CCSER1: variants seen among roughly 807,000 people sequenced by gnomAD.
The protein encoded by CCSER1 is coiled-coil serine rich protein 1.
A neutral mutation model predicts 82.0 loss-of-function variants in CCSER1; 41 were observed. That is an observed-to-expected ratio of 0.50 (90% CI 0.39 to 0.65). CCSER1 has a LOEUF of 0.65. CCSER1 is among the 30% of genes least tolerant of loss of function. CCSER1 has a pLI of 0.00. For synonymous variants in CCSER1, 414 were observed against 383.9 expected (o/e 1.08, Z -0.92); for missense variants, 1,119 against 1,064.2 (o/e 1.05, Z -0.72).
At chr4:90,762,084 C>T (rs1017156485) in intron 7 of CCSER1, among the ~76,000 whole-genome samples, 2 of 152,086 alleles carry the variant, frequency 1.3e-5, no homozygotes, top group African/African-American at 4.8e-5. Context: ...GGCTGTGTCC[C>T]TACCCAAATG....
intron 10 of CCSER1, among the ~76,000 whole-genome samples, chr4:91,491,058 G>A (rs1758515162): frequency 6.7e-6 from 1 of 150,122 alleles, no homozygotes; most frequent in East Asian, 2.0e-4. Context: ...TGAACCCTCT[G>A]AAGCAAATAC....
At chr4:91,019,418 TA>T (rs1442360855) in intron 9 of CCSER1, among the ~76,000 whole-genome samples, 1 of 152,138 alleles carries the variant, frequency 6.6e-6, no homozygotes, top group Non-Finnish European at 1.5e-5. Context: ...AAACACGAAT[TA>T]TTTTAGCTTA....
chr4:91,311,551 T>C (rs192054211), intron 10 of CCSER1, among the ~76,000 whole-genome samples: 112 of 152,054 alleles, frequency 7.4e-4, no homozygotes, highest in African/African-American at 2.7e-3. Context: ...GCAAATGTTA[T>C]TAGAATTCTG....
chr4:91,483,324 A>G (rs1758048269), intron 10 of CCSER1, among the ~76,000 whole-genome samples: 1 of 152,198 alleles, frequency 6.6e-6, no homozygotes, highest in Non-Finnish European at 1.5e-5. Context: ...GTCAGAATGA[A>G]GGGATTATTA....
At chr4:90,666,185 T>G (rs1731751459) in intron 6 of CCSER1, among the ~76,000 whole-genome samples, 1 of 152,160 alleles carries the variant, frequency 6.6e-6, no homozygotes, top group Non-Finnish European at 1.5e-5. Context: ...ACTTTGCTCT[T>G]CAAAGTTTAT....
intron 9 of CCSER1, among the ~76,000 whole-genome samples, chr4:91,045,271 AATAG>A (rs1414005417): frequency 6.6e-6 from 1 of 152,202 alleles, no homozygotes; most frequent in African/African-American, 2.4e-5. Context: ...TAGTTGTTAA[AATAG>A]ATTTATTAAT....
chr4:90,865,847 T>C (rs1765667039), intron 8 of CCSER1, among the ~76,000 whole-genome samples: 1 of 151,924 alleles, frequency 6.6e-6, no homozygotes, highest in Non-Finnish European at 1.5e-5. Flanking sequence ...ACTGGATAAT[T>C]TGTAAAGAAA....
intron 9 of CCSER1, among the ~76,000 whole-genome samples, chr4:90,980,085 T>G (rs1440687900): frequency 6.6e-6 from 1 of 151,886 alleles, no homozygotes; most frequent in Non-Finnish European, 1.5e-5. Flanking sequence ...GATGCTATTT[T>G]GGATAGAATG....
At chr4:90,795,039 C>A (rs528402337) in intron 7 of CCSER1, among the ~76,000 whole-genome samples, 2 of 152,090 alleles carry the variant, frequency 1.3e-5, no homozygotes, top group Admixed American at 1.3e-4. Context: ...CCTGTAATCC[C>A]AGCACTTTGG....
chr4:91,412,520 T>A (rs551280016), intron 10 of CCSER1, among the ~76,000 whole-genome samples: 1 of 152,122 alleles, frequency 6.6e-6, no homozygotes, highest in Non-Finnish European at 1.5e-5. Context: ...CTGGTGCCAG[T>A]GCTACTGACT....
chr4:90,617,387 A>C (rs2148858108), intron 5 of CCSER1, among the ~76,000 whole-genome samples: 1 of 152,284 alleles, frequency 6.6e-6, no homozygotes, highest in African/African-American at 2.4e-5. Flanking sequence ...TTCAATGTTG[A>C]TACCAATCTG....
At chr4:90,545,517 T>C (rs192200923) in intron 5 of CCSER1, among the ~76,000 whole-genome samples, 365 of 152,232 alleles carry the variant, frequency 2.4e-3, no homozygotes, top group Non-Finnish European at 4.4e-3. Context: ...GAAACCCTAA[T>C]AGTTGGAAAG....
chr4:90,894,932 CTAAT>C (rs1463699250), intron 8 of CCSER1, among the ~76,000 whole-genome samples: 9 of 151,874 alleles, frequency 5.9e-5, no homozygotes, highest in Admixed American at 2.0e-4. Flanking sequence ...TTAAAATAGA[CTAAT>C]TAATTTAGAT....
At chr4:91,238,270 C>T (rs1739173891) in intron 10 of CCSER1, among the ~76,000 whole-genome samples, 1 of 152,096 alleles carries the variant, frequency 6.6e-6, no homozygotes, top group African/African-American at 2.4e-5. Flanking sequence ...CATGGAGGAA[C>T]CACATAGTAA....
intron 5 of CCSER1, among the ~76,000 whole-genome samples, chr4:90,584,341 A>G (rs901085873): frequency 6.6e-6 from 1 of 152,206 alleles, no homozygotes; most frequent in Non-Finnish European, 1.5e-5. Context: ...ACCACACGGC[A>G]AAGAATGAAG....
At chr4:90,754,269 A>G (rs1317776860) in intron 7 of CCSER1, among the ~76,000 whole-genome samples, 1 of 152,138 alleles carries the variant, frequency 6.6e-6, no homozygotes. Flanking sequence ...TTTAATAAAT[A>G]TTTTTGCTAA....
chr4:91,332,571 G>A (rs1406318), intron 10 of CCSER1, among the ~76,000 whole-genome samples: 9,582 of 148,844 alleles, frequency 0.064, 399 homozygotes, highest in African/African-American at 0.11. Flanking sequence ...ATAACTTTCA[G>A]ATAAAAAAAA....
intron 1 of CCSER1, among the ~76,000 whole-genome samples, chr4:90,298,730 T>G (rs190496180): frequency 2.9e-4 from 44 of 152,278 alleles, no homozygotes; most frequent in Non-Finnish European, 4.3e-4. Flanking sequence ...CATCTTTATT[T>G]CTGCCTTCAT....
chr4:90,940,270 C>T (rs1343312572), intron 9 of CCSER1, among the ~76,000 whole-genome samples: 1 of 151,452 alleles, frequency 6.6e-6, no homozygotes, highest in Non-Finnish European at 1.5e-5. Flanking sequence ...TATTTTTCTT[C>T]CCTCCCTCCC....
Sources: gnomAD v4.1 joint callset for allele counts (sites outside exome capture counted in the v4.1 genomes callset) on GRCh38, gnomAD v4.1.1 for gene constraint, MANE v1.5 for transcripts, NCBI Gene and HGNC (gene_info 2026-07-23, HGNC 2026-07-21) for gene names.